The following ZNF566 variants were observed in gnomAD, a reference collection of about 807,000 sequenced individuals.
ZNF566 encodes zinc finger protein 566.
A neutral mutation model predicts 32.8 loss-of-function variants in ZNF566; 27 were observed. The ratio of observed to expected loss-of-function variants is 0.82; its 90% CI spans 0.61 to 1.14. ZNF566 has a LOEUF of 1.14. Among genes scored for constraint, ZNF566 ranks in the 50% most tolerant of loss-of-function variants. The pLI, the probability that ZNF566 is intolerant of heterozygous loss-of-function variation, is 0.00. For missense variants in ZNF566, 402 were observed against 490.4 expected, an observed-to-expected ratio of 0.82 and a Z score of 1.70; for synonymous variants, 154 against 159.5, an observed-to-expected ratio of 0.97 and a Z score of 0.26.
rs111784006 is a variant in ZNF566, at chr19:36,448,310, A to T, written c.*667T>A. On this transcript the variant is annotated 3_prime_UTR_variant, in exon 5 of 5. Transcript: ENST00000452939. The stretch of plus-strand genomic sequence containing the variant: ...ATTTTGGCATGTATTATGGCAAAAT[A>T]TCTAGAGGAGACTACGATATCCACC... The T allele has an allele frequency of 6.6e-6, 1 of 152,214 alleles. No individual in the cohort carries two copies. Among genetic ancestry groups the T allele is most frequent in the South Asian group, 2.1e-4 (1 of 4,834 alleles). 9.4% of individuals were successfully genotyped at this position (152,214 alleles called of 1,614,324 possible). A position where few individuals can be genotyped will look rare whatever the true frequency, so the allele number is the denominator to read the frequency against.
At chr19:36,488,421 C>G (rs968955378) in intron 1 of ZNF566, among the ~76,000 whole-genome samples, 1 of 152,154 alleles carries the variant, frequency 6.6e-6, no homozygotes, top group Non-Finnish European at 1.5e-5. Context: ...ACTCTTGGAA[C>G]TATGCTTTGG....
At chr19:36,464,498 A>G (rs2033563255) in intron 4 of ZNF566, among the ~76,000 whole-genome samples, 1 of 151,952 alleles carries the variant, frequency 6.6e-6, no homozygotes, top group African/African-American at 2.4e-5. Flanking sequence ...TCTCCATCTC[A>G]TACTATTCAT....
intron 4 of ZNF566, among the ~76,000 whole-genome samples, chr19:36,469,608 A>G (rs2033714490): frequency 1.3e-5 from 2 of 152,180 alleles, no homozygotes; most frequent in Non-Finnish European, 2.9e-5. Context: ...GTATTTTTGA[A>G]AATTTTCACA....
intron 4 of ZNF566, among the ~76,000 whole-genome samples, chr19:36,468,866 G>A (rs538036023): frequency 4.6e-5 from 7 of 151,248 alleles, no homozygotes; most frequent in East Asian, 2.0e-4. Flanking sequence ...GCAGTGAGCC[G>A]TGATAGTGCC....
chr19:36,460,791 AAAAT>A (rs1161542925), intron 4 of ZNF566, among the ~76,000 whole-genome samples: 1 of 152,216 alleles, frequency 6.6e-6, no homozygotes, highest in Non-Finnish European at 1.5e-5. Context: ...AATCAAAGAC[AAAAT>A]AAATAGTGAA....
rs1272071610 is a variant in ZNF566, at chr19:36,449,899, T to C, written c.335A>G (p.Asp112Gly). 3 of 1,613,972 alleles carry C rather than the reference T, an allele frequency of 1.9e-6. No individual in the cohort carries two copies. The highest frequency in any genetic ancestry group is 2.5e-6 in the Non-Finnish European group (3 of 1,179,998). The change falls in exon 5 of 5, where the codon GAT becomes GGT. Residue 112 changes from aspartate (D) to glycine (G), a missense_variant. By Grantham distance (94) the Asp-to-Gly change is moderately conservative. This residue lies in a region of ZNF566 where 220 missense variants were observed against 241.9 expected (regional missense o/e 0.91). Coordinates refer to ENST00000452939, the MANE Select transcript of ZNF566 (RefSeq NM_001145344.1). The part of the protein sequence containing the change: ...WEIMEKLTRR[D>G]FQCSSFRDDW... ...ATCTCTGAAACTGGAGCACTGAAAATCACGTCTTGTGAGTTTTTCCATTAT... is the reference window on the plus strand; with the variant it reads ...ATCTCTGAAACTGGAGCACTGAAAACCACGTCTTGTGAGTTTTTCCATTAT...
intron 1 of ZNF566, among the ~76,000 whole-genome samples, chr19:36,478,377 T>C (rs990275267): frequency 2.0e-5 from 3 of 152,168 alleles, no homozygotes; most frequent in Admixed American, 6.5e-5. Context: ...TCTTCTATAT[T>C]CCTCATTTTA....
At chr19:36,466,402 GT>G (rs2033614263) in intron 4 of ZNF566, among the ~76,000 whole-genome samples, 1 of 152,102 alleles carries the variant, frequency 6.6e-6, no homozygotes, top group South Asian at 2.1e-4. Flanking sequence ...CAGTAAGTTG[GT>G]TTCAACCAAC....
At chr19:36,467,790 CAAAA>C (rs560803094) in intron 4 of ZNF566, among the ~76,000 whole-genome samples, 2 of 85,928 alleles carry the variant, frequency 2.3e-5, no homozygotes, top group African/African-American at 4.6e-5. Context: ...GACTCCATCT[CAAAA>C]AAAAAAAAAA....
chr19:36,462,051 T>C (rs1469452802), intron 4 of ZNF566, among the ~76,000 whole-genome samples: 1 of 150,728 alleles, frequency 6.6e-6, no homozygotes, highest in Admixed American at 6.6e-5. Context: ...TGCAATGGCA[T>C]GATCTCGGCT....
rs1432994409 is a variant in ZNF566, at chr19:36,449,221, G to A, written c.1013C>T (p.Pro338Leu). 2 of 1,614,040 alleles carry A rather than the reference G, an allele frequency of 1.2e-6. No homozygotes were observed. Among genetic ancestry groups the A allele is most frequent in the Non-Finnish European group, 1.7e-6 (2 of 1,180,004 alleles). Residue 338 changes from proline (P) to leucine (L), a missense_variant, in exon 5 of 5, where the codon CCT (proline) becomes CTT (leucine). Physicochemically the swap from Pro to Leu is moderately conservative, Grantham distance 98 (BLOSUM62 -3). This residue lies in a region of ZNF566 where 135 missense variants were observed against 210.0 expected (regional missense o/e 0.64). Transcript: ENST00000452939. ...KHQRIHTGEK[P>L]YECKECEKAF... ...CTTTTCACATTCCTTACATTCGTAA[G>A]GTTTCTCACCTGTATGGATTCTTTG... is the stretch of plus-strand genomic sequence containing the variant.
intron 1 of ZNF566, among the ~76,000 whole-genome samples, chr19:36,476,928 T>C (rs2033901027): frequency 6.6e-6 from 1 of 152,206 alleles, no homozygotes; most frequent in African/African-American, 2.4e-5. Context: ...TATCTTGGAA[T>C]GAAGTCCCAA....
At chr19:36,465,413 T>C (rs568705192) in intron 4 of ZNF566, among the ~76,000 whole-genome samples, 1 of 152,354 alleles carries the variant, frequency 6.6e-6, no homozygotes, top group East Asian at 1.9e-4. Context: ...AGTCTGCAGA[T>C]GTAAATATTA....
chr19:36,477,526 G>GTTTTTTTTTTTTTTTTTTTTTTTTTTTTT lies in ZNF566; in HGVS notation c.-59-911_-59-910insAAAAAAAAAAAAAAAAAAAAAAAAAAAAA, dbSNP rs767741591. Among the ~76,000 whole-genome samples, 6 of 107,024 alleles carry GTTTTTTTTTTTTTTTTTTTTTTTTTTTTT rather than the reference G, an allele frequency of 5.6e-5. 1 individual carries two copies. Among genetic ancestry groups the GTTTTTTTTTTTTTTTTTTTTTTTTTTTTT allele is most frequent in the African/African-American group, 7.6e-5 (2 of 26,244 alleles). 70.2% of individuals were successfully genotyped at this position (107,024 alleles called of 152,430 possible). On this transcript the variant is annotated intron_variant, in intron 1 of 4. Transcript: ENST00000452939. ...TGGGTCAAACCAGTTTTCTGTTTCT[G>GTTTTTTTTTTTTTTTTTTTTTTTTTTTTT]TTTTTTTTTTGTTTGTTTGTTTGTT...
chr19:36,472,527 A>C (rs1326749203), intron 4 of ZNF566, among the ~76,000 whole-genome samples: 1 of 152,216 alleles, frequency 6.6e-6, no homozygotes, highest in Non-Finnish European at 1.5e-5. Context: ...TATCCCAAAA[A>C]ACTTAGTAAA....
chr19:36,484,923 A>G (rs2034123009), intron 1 of ZNF566, among the ~76,000 whole-genome samples: 1 of 152,102 alleles, frequency 6.6e-6, no homozygotes, highest in South Asian at 2.1e-4. Context: ...TCCCCACAAG[A>G]TACTTATTCA....
chr19:36,454,371 G>A (rs532444551), intron 4 of ZNF566, among the ~76,000 whole-genome samples: 50 of 152,138 alleles, frequency 3.3e-4, no homozygotes, highest in Non-Finnish European at 6.9e-4. Flanking sequence ...GAAAGAGTGA[G>A]ATAGGAACAA....
At chr19:36,472,351 TG>T in intron 4 of ZNF566, among the ~76,000 whole-genome samples, 1 of 152,322 alleles carries the variant, frequency 6.6e-6, no homozygotes, top group South Asian at 2.1e-4. Context: ...TCGCTTATGG[TG>T]GTGTTATTTG....
chr19:36,485,008 A>T (rs1383257925), intron 1 of ZNF566, among the ~76,000 whole-genome samples: 1 of 152,286 alleles, frequency 6.6e-6, no homozygotes, highest in East Asian at 1.9e-4. Flanking sequence ...CTCAAAGTTA[A>T]CATTGCTAAT....
Sources: allele counts gnomAD v4.1 joint callset (sites outside exome capture counted in the v4.1 genomes callset), GRCh38; gene constraint gnomAD v4.1.1; regional missense constraint gnomAD v4.1.1; transcripts MANE v1.5; gene names NCBI Gene and HGNC (gene_info 2026-07-23, HGNC 2026-07-21).